The following FGF14 variants were observed in gnomAD, a reference collection of about 807,000 sequenced individuals.
FGF14 encodes the protein fibroblast growth factor homologous factor 4.
Under a neutral mutation model 25.5 loss-of-function variants are expected in FGF14, and 5 were observed. The ratio of observed to expected loss-of-function variants is 0.20; its 90% CI spans 0.10 to 0.41. The LOEUF (loss-of-function observed/expected upper bound fraction) is 0.41, where lower values mean the gene tolerates loss of function less well. FGF14 is among the 10% of genes least tolerant of loss of function. The pLI is 1.00. For synonymous variants in FGF14, 138 were observed against 118.3 expected, an observed-to-expected ratio of 1.17 and a Z score of -1.08; for missense variants, 222 against 320.1, an observed-to-expected ratio of 0.69 and a Z score of 2.34.
chr13:101,979,495 G>A (rs2038122540), intron 1 of FGF14, among the ~76,000 whole-genome samples: 1 of 152,160 alleles, frequency 6.6e-6, no homozygotes, highest in African/African-American at 2.4e-5. Context: ...CCGAGGAACA[G>A]AGAGTTTAAG....
At chr13:101,876,371 T>G (rs2045393881) in intron 1 of FGF14, among the ~76,000 whole-genome samples, 2 of 152,202 alleles carry the variant, frequency 1.3e-5, no homozygotes, top group African/African-American at 4.8e-5. Flanking sequence ...CAGTCGGACG[T>G]TACTGAGTAA....
At chr13:101,915,181 A>G (rs1429213980) in intron 1 of FGF14, among the ~76,000 whole-genome samples, 1 of 152,152 alleles carries the variant, frequency 6.6e-6, no homozygotes, top group Non-Finnish European at 1.5e-5. Flanking sequence ...GTAATCTCCA[A>G]TTTCTTAAAT....
At chr13:101,893,766 A>G (rs897130735) in intron 1 of FGF14, among the ~76,000 whole-genome samples, 2 of 152,142 alleles carry the variant, frequency 1.3e-5, no homozygotes, top group Non-Finnish European at 1.5e-5. Context: ...TGACAAGTCA[A>G]TTTTAGCCTG....
intron 2 of FGF14, 138 bp downstream of exon 2, chr13:101,875,047 TA>T (rs1566358254): frequency 2.9e-6 from 2 of 699,448 alleles, no homozygotes. Flanking sequence ...AATAAAATTG[TA>T]AATGGCATCC....
chr13:102,032,904 T>A (rs2041281268), intron 1 of FGF14, among the ~76,000 whole-genome samples: 1 of 152,110 alleles, frequency 6.6e-6, no homozygotes, highest in Non-Finnish European at 1.5e-5. Context: ...GCTTTCTTCA[T>A]GAAGCCTACC....
rs545970081 is a variant in FGF14, at chr13:101,821,368, AAT to A, written c.408+47355_408+47356del. On this transcript the variant is annotated intron_variant, in intron 3 of 4. Coordinates refer to ENST00000376143, the MANE Select transcript of FGF14 (RefSeq NM_004115.4). ...ATCCATCTGAGTTCTTGTGTGTATC[AAT>A]AGTGTGTTACTTTCACTGCTGTGTA... 2.0e-5 allele frequency among the ~76,000 whole-genome samples: 3 copies of A among 152,076 alleles called. No individual in the cohort carries two copies. The South Asian group carries it at 6.2e-4, about 32-fold the overall frequency.
At position 102,161,613 on chromosome 13, in the gene FGF14, G is replaced by GA. The variant is rs1339347389; in HGVS notation, c.208+239857dup. Among the ~76,000 whole-genome samples the GA allele has an allele frequency of 4.8e-3, 16 of 3,310 alleles. 2 individuals carry two copies. The highest frequency in any genetic ancestry group is 0.12 in the Middle Eastern group (1 of 8). 2.2% of individuals were successfully genotyped at this position (3,310 alleles called of 152,430 possible). On this transcript the variant is annotated intron_variant, in intron 1 of 4. Transcript: ENST00000376131. ...AGAAGAAGAAGAAGAAGAAGAAGAA[G>GA]AAGAAGAAGAAGAAGAAGAAGAAGA...
At position 102,128,067 on chromosome 13, in the gene FGF14, G is replaced by T. The variant is rs115866406; in HGVS notation, c.209-252771C>A. ...CTCACAGAGAGGCAGTGGGTTCAGT[G>T]TCATAATGCGGTCTTCACTCCACAT... On this transcript the variant is annotated intron_variant, in intron 1 of 4. Transcript: ENST00000376131. Among the ~76,000 whole-genome samples, 1,097 of 152,232 alleles carry T rather than the reference G, an allele frequency of 7.2e-3. 20 individuals are homozygous for T. Among genetic ancestry groups the T allele is most frequent in the African/African-American group, 0.025 (1,035 of 41,518 alleles).
At chr13:102,027,316 T>C (rs2040980548) in intron 1 of FGF14, among the ~76,000 whole-genome samples, 1 of 151,290 alleles carries the variant, frequency 6.6e-6, no homozygotes. Flanking sequence ...GACTATATAT[T>C]ATAATTATTA....
chr13:101,956,473 G>C (rs760381292), intron 1 of FGF14, among the ~76,000 whole-genome samples: 7 of 152,120 alleles, frequency 4.6e-5, no homozygotes, highest in African/African-American at 7.2e-5. Context: ...ACAAGGCCTG[G>C]AATGTATCGG....
intron 3 of FGF14, among the ~76,000 whole-genome samples, chr13:101,755,649 A>G (rs531530836): frequency 8.5e-5 from 13 of 152,350 alleles, no homozygotes; most frequent in African/African-American, 2.9e-4. Context: ...TGTTCTCCAC[A>G]TGGACAGGAC....
chr13:101,731,547 T>C (rs1361896064), intron 3 of FGF14, among the ~76,000 whole-genome samples: 1 of 152,242 alleles, frequency 6.6e-6, no homozygotes, highest in Admixed American at 6.5e-5. Context: ...ATCTGTGGTG[T>C]ACTTATTATC....
intron 1 of FGF14, among the ~76,000 whole-genome samples, chr13:101,981,082 AACACACACACACACACACAC>A (rs58666555): frequency 2.4e-5 from 3 of 123,706 alleles, no homozygotes; most frequent in Non-Finnish European, 5.0e-5. Flanking sequence ...TCTCTACTAA[AACACACACACACACACACAC>A]ACACACACAC....
intron 3 of FGF14, among the ~76,000 whole-genome samples, chr13:101,836,747 TTTTA>T (rs2042945037): frequency 6.7e-6 from 1 of 149,576 alleles, no homozygotes; most frequent in Non-Finnish European, 1.5e-5. Context: ...TTTATGATTA[TTTTA>T]TTTTATTGTC....
intron 1 of FGF14, among the ~76,000 whole-genome samples, chr13:101,989,764 A>G (rs1049568758): frequency 3.9e-5 from 6 of 152,126 alleles, no homozygotes; most frequent in Admixed American, 6.6e-5. Flanking sequence ...TTTCTCCACA[A>G]TAACATTTAT....
intron 1 of FGF14, among the ~76,000 whole-genome samples, chr13:101,913,065 T>G (rs897049110): frequency 6.6e-6 from 1 of 152,224 alleles, no homozygotes; most frequent in African/African-American, 2.4e-5. Flanking sequence ...TTTAATTGTA[T>G]CCAATAAATG....
chr13:102,307,744 T>C (rs1268615812), intron 1 of FGF14, among the ~76,000 whole-genome samples: 1 of 152,186 alleles, frequency 6.6e-6, no homozygotes, highest in African/African-American at 2.4e-5. Context: ...AAGCAACTTC[T>C]ATTACGATTC....
chr13:102,288,667 C>T (rs1320066061), intron 1 of FGF14, among the ~76,000 whole-genome samples: 1 of 152,108 alleles, frequency 6.6e-6, no homozygotes, highest in African/African-American at 2.4e-5. Context: ...TCACTGCAAC[C>T]TCTACCTCCT....
At position 102,043,353 on chromosome 13, in the gene FGF14, A is replaced by G. The variant is rs547773597; in HGVS notation, c.209-168057T>C. ...ACCACTCAGATGACTTATTCTTCCA[A>G]TTGGAACCAGGCTGCATTAAATCAC... is the stretch of plus-strand genomic sequence containing the variant. On this transcript the variant is annotated intron_variant, in intron 1 of 4. Coordinates refer to the FGF14 transcript ENST00000376131. 1.9e-4 allele frequency among the ~76,000 whole-genome samples: 29 copies of G among 152,258 alleles called. No homozygotes were observed. In the South Asian group the frequency reaches 6.0e-3, roughly 32 times the overall value.
Sources: gnomAD v4.1 joint callset for allele counts (sites outside exome capture counted in the v4.1 genomes callset) on GRCh38, gnomAD v4.1.1 for gene constraint, MANE v1.5 for transcripts, NCBI Gene and HGNC (gene_info 2026-07-23, HGNC 2026-07-21) for gene names.